Variants in CNTNAP5 observed in about 807,000 individuals in gnomAD.
CNTNAP5 encodes the protein contactin associated protein family member 5.
Under a neutral mutation model 150.2 loss-of-function variants are expected in CNTNAP5, and 72 were observed. The ratio of observed to expected loss-of-function variants is 0.48; its 90% CI spans 0.40 to 0.58. The LOEUF (loss-of-function observed/expected upper bound fraction) is 0.58. Among genes scored for constraint, CNTNAP5 ranks in the 20% least tolerant of loss-of-function variants. CNTNAP5 has a pLI of 0.00. For missense variants in CNTNAP5, 1,636 were observed against 1,626.2 expected (o/e 1.01, Z -0.10); for synonymous variants, 672 against 619.8 (o/e 1.08, Z -1.25).
intron 13 of CNTNAP5, among the ~76,000 whole-genome samples, chr2:124,680,355 C>T (rs1183986610): frequency 6.6e-6 from 1 of 151,906 alleles, no homozygotes; most frequent in Admixed American, 6.7e-5. Context: ...CTCTACTGGT[C>T]TAAGTCACCT....
chr2:124,045,711 C>T (rs1019000615), intron 1 of CNTNAP5, among the ~76,000 whole-genome samples: 23 of 151,922 alleles, frequency 1.5e-4, no homozygotes, highest in African/African-American at 5.6e-4. Flanking sequence ...TATTAATAAC[C>T]TTCTTTTTAT....
chr2:124,736,612 A>C (rs1680387682), intron 13 of CNTNAP5, among the ~76,000 whole-genome samples: 1 of 152,226 alleles, frequency 6.6e-6, no homozygotes, highest in Non-Finnish European at 1.5e-5. Flanking sequence ...ATTTATTCAA[A>C]GGCTTAATAG....
intron 11 of CNTNAP5, among the ~76,000 whole-genome samples, chr2:124,596,968 C>G (rs1696841293): frequency 2.4e-5 from 1 of 41,874 alleles, no homozygotes; most frequent in African/African-American, 4.8e-5. Context: ...CAACCCCTGC[C>G]TTTTTTTGTT....
At chr2:124,835,188 A>T (rs757409078) in intron 19 of CNTNAP5, among the ~76,000 whole-genome samples, 1 of 152,130 alleles carries the variant, frequency 6.6e-6, no homozygotes, top group Admixed American at 6.6e-5. Context: ...ACATTGCTAC[A>T]TATTGGCAAA....
At chr2:124,759,479 CA>C (rs1256332745) in intron 14 of CNTNAP5, among the ~76,000 whole-genome samples, 3 of 145,984 alleles carry the variant, frequency 2.1e-5, no homozygotes, top group Admixed American at 6.8e-5. Context: ...GAATGTTCTA[CA>C]AATTATGACT....
intron 11 of CNTNAP5, among the ~76,000 whole-genome samples, chr2:124,587,711 C>T (rs1696568991): frequency 2.0e-5 from 3 of 152,128 alleles, no homozygotes; most frequent in South Asian, 2.1e-4. Flanking sequence ...ATCAGTGATG[C>T]TTGAATTCAG....
chr2:124,334,811 G>T (rs1689431038), intron 3 of CNTNAP5, among the ~76,000 whole-genome samples: 1 of 152,004 alleles, frequency 6.6e-6, no homozygotes, highest in Non-Finnish European at 1.5e-5. Context: ...CATAATATGA[G>T]AGTTGTCTAA....
At chr2:124,079,127 C>A (rs550083613) in intron 1 of CNTNAP5, among the ~76,000 whole-genome samples, 46 of 152,242 alleles carry the variant, frequency 3.0e-4, no homozygotes, top group African/African-American at 1.0e-3. Context: ...TGGCTGAAGT[C>A]ATAAGTAGGA....
At chr2:124,880,227 G>A (rs939651098) in intron 21 of CNTNAP5, among the ~76,000 whole-genome samples, 1 of 152,114 alleles carries the variant, frequency 6.6e-6, no homozygotes, top group Non-Finnish European at 1.5e-5. Flanking sequence ...ACCTGAATCT[G>A]TGTATTTTTC....
At chr2:124,322,801 C>A (rs1689131236) in intron 3 of CNTNAP5, among the ~76,000 whole-genome samples, 1 of 152,178 alleles carries the variant, frequency 6.6e-6, no homozygotes, top group Admixed American at 6.5e-5. Flanking sequence ...CTGGATCCCA[C>A]AACCTCACCA....
intron 3 of CNTNAP5, among the ~76,000 whole-genome samples, chr2:124,251,432 G>A (rs1282485402): frequency 6.7e-6 from 1 of 149,428 alleles, no homozygotes; most frequent in Non-Finnish European, 1.5e-5. Flanking sequence ...CATAAAAATT[G>A]GGCTGGAGTT....
chr2:124,659,523 T>A (rs1318980992), intron 13 of CNTNAP5, among the ~76,000 whole-genome samples: 1 of 152,240 alleles, frequency 6.6e-6, no homozygotes, highest in Non-Finnish European at 1.5e-5. Context: ...AATCTGCATT[T>A]CATTTTCTTC....
intron 1 of CNTNAP5, among the ~76,000 whole-genome samples, chr2:124,174,784 G>C (rs965712804): frequency 2.6e-5 from 4 of 152,192 alleles, no homozygotes; most frequent in African/African-American, 4.8e-5. Flanking sequence ...CTATCAAAGA[G>C]CATCACATGC....
chr2:124,688,395 C>T (rs995349408), intron 13 of CNTNAP5, among the ~76,000 whole-genome samples: 2 of 152,012 alleles, frequency 1.3e-5, no homozygotes, highest in African/African-American at 4.8e-5. Context: ...TTCCATAAAT[C>T]GCTACCACTT....
At chr2:124,360,219 T>C (rs979830768) in intron 3 of CNTNAP5, among the ~76,000 whole-genome samples, 1 of 151,648 alleles carries the variant, frequency 6.6e-6, no homozygotes, top group African/African-American at 2.4e-5. Context: ...GAGATGGGTT[T>C]CCTGAATACA....
At chr2:124,762,011 A>T (rs780038204) in intron 14 of CNTNAP5, among the ~76,000 whole-genome samples, 1 of 152,090 alleles carries the variant, frequency 6.6e-6, no homozygotes, top group Non-Finnish European at 1.5e-5. Context: ...ATTCTATTGC[A>T]GTACAGAATT....
At chr2:124,903,402 A>C (rs1280616138) in intron 22 of CNTNAP5, among the ~76,000 whole-genome samples, 1 of 152,162 alleles carries the variant, frequency 6.6e-6, no homozygotes, top group Admixed American at 6.5e-5. Context: ...ACTACTGTTG[A>C]AGTGGATACT....
chr2:124,585,805 C>A (rs73952830), intron 11 of CNTNAP5, among the ~76,000 whole-genome samples: 2,699 of 149,228 alleles, frequency 0.018, 42 homozygotes, highest in African/African-American at 0.045. Context: ...AACCTTGGAA[C>A]AGTAATGAGG....
chr2:124,459,758 TAAAAAAAA>T (rs11355936), intron 6 of CNTNAP5, among the ~76,000 whole-genome samples: 1 of 113,454 alleles, frequency 8.8e-6, no homozygotes, highest in East Asian at 2.7e-4. Context: ...AATTCCTCTG[TAAAAAAAA>T]AAAAAAAAAA....
Sources: gnomAD v4.1 joint callset for allele counts (sites outside exome capture counted in the v4.1 genomes callset) on GRCh38, gnomAD v4.1.1 for gene constraint, MANE v1.5 for transcripts, NCBI Gene and HGNC (gene_info 2026-07-23, HGNC 2026-07-21) for gene names.